The following ICE1 variants were observed in gnomAD, a reference collection of about 807,000 sequenced individuals.
ICE1 encodes little elongation complex subunit 1.
In ICE1, 64 loss-of-function variants were observed where a neutral mutation model predicts 192.7. That is an observed-to-expected ratio of 0.33 (90% CI 0.27 to 0.41). The LOEUF is 0.41. ICE1 is among the 10% of genes least tolerant of loss of function. ICE1 has a pLI of 1.00. For synonymous variants in ICE1, 1,010 were observed against 984.5 expected (o/e 1.03, Z -0.49); for missense variants, 2,708 against 2,696.0 (o/e 1.00, Z -0.10).
intron 10 of ICE1, among the ~76,000 whole-genome samples, chr5:5,452,842 C>T (rs1579555715): frequency 6.6e-6 from 1 of 152,012 alleles, no homozygotes; most frequent in African/African-American, 2.4e-5. Context: ...ATATGTAAGT[C>T]CTTAAATATT....
intron 7 of ICE1, among the ~76,000 whole-genome samples, chr5:5,446,439 A>G (rs1272391144): frequency 2.0e-5 from 3 of 151,442 alleles, no homozygotes; most frequent in Non-Finnish European, 4.4e-5. Context: ...ACAGGTGTGC[A>G]CCACGACACC....
intron 1 of ICE1, among the ~76,000 whole-genome samples, chr5:5,431,975 T>C (rs926364436): frequency 6.6e-6 from 1 of 152,192 alleles, no homozygotes; most frequent in African/African-American, 2.4e-5. Flanking sequence ...GTTTTTATTT[T>C]CTGCATCCTT....
intron 5 of ICE1, among the ~76,000 whole-genome samples, chr5:5,442,634 G>A (rs1171216491): frequency 6.6e-6 from 1 of 152,088 alleles, no homozygotes; most frequent in Non-Finnish European, 1.5e-5. Flanking sequence ...TGAAACTGTT[G>A]AGATTAAAGA....
rs1255316465 is a variant in ICE1 at position 5,469,099 on chromosome 5, C to G, written c.6222+111C>G. The G allele has an allele frequency of 6.8e-6, 5 of 739,492 alleles. No homozygotes were observed. The East Asian group carries it at 1.7e-4, about 25-fold the overall frequency. The allele number at this position is 739,492 out of a possible 1,614,324, so 45.8% of individuals were successfully genotyped here. On this transcript the variant is annotated intron_variant, in intron 15 of 18. Transcript: ENST00000296564. ...TTAGTTCATAGGCATTTTCTTCTTT[C>G]TAGATCTTTTAAAATTTAATCAGTT...
intron 16 of ICE1, among the ~76,000 whole-genome samples, chr5:5,474,420 CT>C (rs1451490656): frequency 6.6e-6 from 1 of 152,076 alleles, no homozygotes; most frequent in Non-Finnish European, 1.5e-5. Flanking sequence ...AGGGGAGCAC[CT>C]GGCGAATGTA....
intron 12 of ICE1, among the ~76,000 whole-genome samples, chr5:5,459,445 G>A (rs934953822): frequency 3.3e-5 from 5 of 152,308 alleles, no homozygotes; most frequent in Non-Finnish European, 5.9e-5. Context: ...GTGCACAGAC[G>A]TTCAGGACCT....
At chr5:5,459,205 A>G (rs150068886) in intron 12 of ICE1, among the ~76,000 whole-genome samples, 177 of 152,220 alleles carry the variant, frequency 1.2e-3, no homozygotes, top group African/African-American at 4.0e-3. Context: ...CCTGAACCTA[A>G]GTTGTGGCAT....
Position 5,463,965 on chromosome 5 carries a change from C to T in ICE1, c.4631C>T (p.Ser1544Leu). ...GCGTCTGATCACACATATTATAACT[C>T]AAAACTAGAGCCATCTGGCAAAAAT... ...IVASDHTYYN[S>L]KLEPSGKNKN... Residue 1544 changes from serine (S) to leucine (L), a missense_variant, in exon 13 of 19, where the codon TCA becomes TTA. Physicochemically the swap from Ser to Leu is moderately radical, Grantham distance 145 (BLOSUM62 -2). Transcript: ENST00000296564. 1 of 1,613,836 alleles carries T rather than the reference C, an allele frequency of 6.2e-7. No homozygotes were observed. Among genetic ancestry groups the T allele is most frequent in the Non-Finnish European group, 8.5e-7 (1 of 1,179,828 alleles).
chr5:5,442,627 A>G (rs1247770336), intron 5 of ICE1, among the ~76,000 whole-genome samples: 1 of 152,194 alleles, frequency 6.6e-6, no homozygotes, highest in East Asian at 1.9e-4. Flanking sequence ...GGAATAATGA[A>G]ACTGTTGAGA....
chr5:5,436,385 TAAA>T (rs746759329), intron 1 of ICE1, 30 bp from the exon 2 acceptor site: 6 of 1,333,028 alleles, frequency 4.5e-6, no homozygotes. Flanking sequence ...AAGTAATTGA[TAAA>T]AAAGCTGACT....
intron 1 of ICE1, among the ~76,000 whole-genome samples, chr5:5,427,472 G>A (rs976901202): frequency 5.9e-5 from 9 of 152,162 alleles, no homozygotes; most frequent in African/African-American, 2.2e-4. Context: ...CAAAACAGTT[G>A]GATTCTCCTG....
intron 1 of ICE1, among the ~76,000 whole-genome samples, chr5:5,425,810 A>C (rs1364487972): frequency 6.6e-6 from 1 of 152,230 alleles, no homozygotes; most frequent in South Asian, 2.1e-4. Flanking sequence ...TATTTTACTA[A>C]TACATAATAG....
Position 5,483,990 on chromosome 5 carries a change from C to A in ICE1, c.6521-2731C>A, listed in dbSNP as rs535862987. Reference sequence around the variant, plus strand: ...TTAGAAGGGTCTGCCTGTAGACTTACTTTCTGTGCAGGCCTCAGCTCTGCT... The same window carrying A: ...TTAGAAGGGTCTGCCTGTAGACTTAATTTCTGTGCAGGCCTCAGCTCTGCT... On this transcript the variant is annotated intron_variant, in intron 17 of 18. Coordinates refer to ENST00000296564, the MANE Select transcript of ICE1 (RefSeq NM_015325.3). Among the ~76,000 whole-genome samples the A allele has an allele frequency of 2.0e-5, 3 of 152,310 alleles. No individual in the cohort carries two copies. In the East Asian group the frequency reaches 5.8e-4, roughly 29 times the overall value.
chr5:5,431,569 C>T (rs1005194878), intron 1 of ICE1, among the ~76,000 whole-genome samples: 1 of 152,142 alleles, frequency 6.6e-6, no homozygotes, highest in African/African-American at 2.4e-5. Context: ...AATTACTTGC[C>T]CTTTGCCATT....
At chr5:5,451,104 C>T (rs1437720528) in intron 10 of ICE1, among the ~76,000 whole-genome samples, 1 of 152,044 alleles carries the variant, frequency 6.6e-6, no homozygotes, top group Non-Finnish European at 1.5e-5. Flanking sequence ...ATCCCCCTCC[C>T]TCTGCAAAAA....
At chr5:5,427,798 A>G (rs565763262) in intron 1 of ICE1, among the ~76,000 whole-genome samples, 6 of 152,338 alleles carry the variant, frequency 3.9e-5, no homozygotes, top group Non-Finnish European at 7.4e-5. Flanking sequence ...TCAGAATACA[A>G]TGATGAACAG....
At position 5,461,137 on chromosome 5, in the gene ICE1, GTT is replaced by G; in HGVS notation, c.1804_1805del (p.Phe602HisfsTer7). 1 of 1,613,994 alleles carries G rather than the reference GTT, an allele frequency of 6.2e-7. No homozygotes were observed. The highest frequency in any genetic ancestry group is 8.5e-7 in the Non-Finnish European group (1 of 1,179,886). ...AAAAGGAAAAAGAAGATACTCAAGG[GTT>G]CACTTTAGGAGAATCACCTGAATCA... ...LEKEKEDTQG[F>X]TLGESPESED... On this transcript the variant is annotated frameshift_variant, in exon 13 of 19. Transcript: ENST00000296564. LOFTEE classifies it high-confidence loss of function.
In ICE1 at chr5:5,443,210, C is replaced by T. The variant is rs772179350; in HGVS notation, c.352C>T (p.Arg118Cys). Residue 118 changes from arginine (R) to cysteine (C), a missense_variant, in exon 6 of 19, where the codon CGT becomes TGT. Around this residue, in one of 2 missense-constraint regions of ICE1, gnomAD observed 2,366 missense variants for 2,276.6 expected, o/e 1.04. Transcript: ENST00000296564. The part of the protein sequence containing the change: ...LYQDTHQEYA[R>C]VKEECLKSDA... ...TCAGGATACTCATCAGGAATATGCT[C>T]GTGTAAAGGAAGAATGCTTGAAGAG... The T allele has an allele frequency of 1.2e-5, 18 of 1,512,790 alleles. No homozygotes were observed. Among genetic ancestry groups the T allele is most frequent in the Middle Eastern group, 1.7e-4 (1 of 5,926 alleles). 93.7% of individuals were successfully genotyped at this position (1,512,790 alleles called of 1,614,324 possible). A position where few individuals can be genotyped will look rare whatever the true frequency, so the allele number is the denominator to read the frequency against.
chr5:5,444,349 GA>G (rs764573609), intron 7 of ICE1, 23 bp downstream of exon 7: 1 of 1,543,284 alleles, frequency 6.5e-7, no homozygotes. Flanking sequence ...ATTGTTACCT[GA>G]AGTTTTCGGT....
Sources: gnomAD v4.1 joint callset for allele counts (sites outside exome capture counted in the v4.1 genomes callset) on GRCh38, gnomAD v4.1.1 for gene constraint, gnomAD v4.1.1 regional missense constraint, MANE v1.5 for transcripts, NCBI Gene and HGNC (gene_info 2026-07-23, HGNC 2026-07-21) for gene names.